PTPRJ: variants seen among roughly 807,000 people sequenced by gnomAD.
The protein encoded by PTPRJ is protein tyrosine phosphatase receptor type J, also known as receptor-type tyrosine-protein phosphatase eta.
PTPRJ carries 129 observed loss-of-function variants against 141.3 expected under a neutral mutation model. That is an observed-to-expected ratio of 0.91 (90% CI 0.79 to 1.06). PTPRJ has a LOEUF of 1.06. Ranked by LOEUF, PTPRJ falls within the 50% of genes least tolerant of loss-of-function variation. The probability of loss-of-function intolerance (pLI) is 0.00; values close to 1 mark genes in which losing one functional copy is unlikely to be tolerated. For synonymous variants in PTPRJ, 610 were observed against 640.5 expected (o/e 0.95, Z 0.72); for missense variants, 1,601 against 1,679.7 (o/e 0.95, Z 0.82).
At chr11:48,062,643 A>G (rs1259034802) in intron 1 of PTPRJ, among the ~76,000 whole-genome samples, 1 of 152,254 alleles carries the variant, frequency 6.6e-6, no homozygotes, top group Non-Finnish European at 1.5e-5. Context: ...TGGAGATAGA[A>G]AATTGCCTAC....
At chr11:48,132,464 T>C in intron 8 of PTPRJ, 1 of 983,286 alleles carries the variant, frequency 1.0e-6, no homozygotes, top group Non-Finnish European at 1.2e-6. Context: ...ATGTTCATTA[T>C]TGTTGTTTTA....
intron 1 of PTPRJ, among the ~76,000 whole-genome samples, chr11:48,075,176 C>T (rs1053586304): frequency 6.6e-6 from 1 of 152,158 alleles, no homozygotes; most frequent in African/African-American, 2.4e-5. Context: ...TGGAGTCTCA[C>T]TCTGTCACCC....
At chr11:48,009,257 T>C (rs1361634995) in intron 1 of PTPRJ, among the ~76,000 whole-genome samples, 5 of 152,182 alleles carry the variant, frequency 3.3e-5, no homozygotes, top group Admixed American at 6.5e-5. Flanking sequence ...GTTTATGCTA[T>C]AAGAAATTTA....
intron 1 of PTPRJ, among the ~76,000 whole-genome samples, chr11:48,062,103 T>G (rs191598619): frequency 6.6e-6 from 1 of 151,636 alleles, no homozygotes; most frequent in African/African-American, 2.4e-5. Context: ...TTTGCTATGT[T>G]TCCCAGGCTG....
chr11:48,124,916 G>A, intron 5 of PTPRJ, 52 bp from the exon 6 acceptor site: 3 of 1,571,532 alleles, frequency 1.9e-6, no homozygotes, highest in Non-Finnish European at 2.6e-6. Flanking sequence ...GGAAAATGGG[G>A]GATGTGTCCC....
At chr11:48,040,994 G>A (rs182322413) in intron 1 of PTPRJ, among the ~76,000 whole-genome samples, 1 of 151,960 alleles carries the variant, frequency 6.6e-6, no homozygotes, top group African/African-American at 2.4e-5. Flanking sequence ...CTTTTAGGCT[G>A]GCTGCACCCT....
intron 1 of PTPRJ, among the ~76,000 whole-genome samples, chr11:48,038,541 G>A (rs1426648808): frequency 2.6e-5 from 4 of 151,818 alleles, no homozygotes; most frequent in African/African-American, 9.7e-5. Flanking sequence ...ACCCAGGCTG[G>A]AGTGCAGTGG....
At chr11:48,097,541 A>AT (rs200794019) in intron 1 of PTPRJ, among the ~76,000 whole-genome samples, 2,570 of 145,874 alleles carry the variant, frequency 0.018, 76 homozygotes, top group African/African-American at 0.058. Context: ...CCTGAAGAAA[A>AT]TTTTTTTTTT....
chr11:48,038,002 T>C (rs1450449045), intron 1 of PTPRJ, among the ~76,000 whole-genome samples: 1 of 150,002 alleles, frequency 6.7e-6, no homozygotes, highest in Non-Finnish European at 1.5e-5. Flanking sequence ...TTTTCAAGGC[T>C]CAGTTCAGAT....
intron 1 of PTPRJ, among the ~76,000 whole-genome samples, chr11:48,070,558 G>C (rs1172438084): frequency 6.6e-6 from 1 of 150,572 alleles, no homozygotes; most frequent in Non-Finnish European, 1.5e-5. Context: ...TAGATCAGTA[G>C]ATTTAGATCT....
chr11:48,060,368 C>G (rs989490315), intron 1 of PTPRJ, among the ~76,000 whole-genome samples: 1 of 151,978 alleles, frequency 6.6e-6, no homozygotes, highest in African/African-American at 2.4e-5. Flanking sequence ...TAAACAAAGA[C>G]TAGCTCTCTT....
At chr11:48,036,410 T>G (rs1854123981) in intron 1 of PTPRJ, among the ~76,000 whole-genome samples, 1 of 152,238 alleles carries the variant, frequency 6.6e-6, no homozygotes, top group Non-Finnish European at 1.5e-5. Flanking sequence ...TTGCATTCCT[T>G]TCTCTCATTT....
intron 1 of PTPRJ, among the ~76,000 whole-genome samples, chr11:48,013,966 G>A (rs1440991337): frequency 6.6e-6 from 1 of 152,208 alleles, no homozygotes. Flanking sequence ...GTTCTGGAAT[G>A]TGCAGGGGCA....
At chr11:48,095,577 T>TA (rs1428789634) in intron 1 of PTPRJ, among the ~76,000 whole-genome samples, 1 of 135,918 alleles carries the variant, frequency 7.4e-6, no homozygotes, top group African/African-American at 3.0e-5. Flanking sequence ...ATCAAACATA[T>TA]ACTTTTTTTT....
intron 1 of PTPRJ, among the ~76,000 whole-genome samples, chr11:47,999,972 T>G (rs1854449979): frequency 6.6e-6 from 1 of 151,188 alleles, no homozygotes; most frequent in Non-Finnish European, 1.5e-5. Flanking sequence ...TTCTCTTGCC[T>G]CAGCCTCCTG....
At chr11:48,159,810 A>C in intron 21 of PTPRJ, 120 bp from the exon 22 acceptor site, 1 of 1,310,894 alleles carries the variant, frequency 7.6e-7, no homozygotes, top group Non-Finnish European at 1.1e-6. Flanking sequence ...ACAAAACCCA[A>C]CTAGAAGGTC....
At chr11:48,043,813 G>T (rs1854326654) in intron 1 of PTPRJ, among the ~76,000 whole-genome samples, 1 of 152,150 alleles carries the variant, frequency 6.6e-6, no homozygotes, top group African/African-American at 2.4e-5. Context: ...CCTATGCCTG[G>T]CATTGTGCTT....
chr11:48,159,210 CT>C (rs1432409833), intron 21 of PTPRJ, among the ~76,000 whole-genome samples: 1 of 148,842 alleles, frequency 6.7e-6, no homozygotes, highest in African/African-American at 2.5e-5. Flanking sequence ...CAGGTGTTTC[CT>C]GGTTATTTCT....
chr11:48,137,205 A>G lies in PTPRJ; in HGVS notation c.2076A>G (p.Ser692=), dbSNP rs776328439. The change falls in exon 10 of 25, where the codon TCA becomes TCG. Residue 692 remains serine (S), a synonymous_variant. Transcript: ENST00000418331. ...TCACTGAATTAATACCTGGCTCATC[A>G]TACACAGTGGAGATCTTTGCACAAG... ...ATVTELIPGS[S]YTVEIFAQVG... is the part of the protein sequence containing the mutation. 2.5e-6 allele frequency: 4 copies of G among 1,614,062 alleles called. No individual in the cohort carries two copies. Among genetic ancestry groups the G allele is most frequent in the Admixed American group, 3.3e-5 (2 of 60,028 alleles).
Sources: allele counts gnomAD v4.1 joint callset (sites outside exome capture counted in the v4.1 genomes callset), GRCh38; gene constraint gnomAD v4.1.1; transcripts MANE v1.5; gene names NCBI Gene and HGNC (gene_info 2026-07-23, HGNC 2026-07-21).